Variants in SLIT3 observed in about 807,000 individuals in gnomAD.
SLIT3 encodes the protein slit homolog 3 protein.
Under a neutral mutation model 184.0 loss-of-function variants are expected in SLIT3, and 68 were observed. The observed-to-expected ratio is 0.37, with a 90% CI of 0.30 to 0.45. The LOEUF is 0.45. Ranked by LOEUF, SLIT3 falls within the 20% of genes least tolerant of loss-of-function variation. The pLI is 1.00. For missense variants in SLIT3, 1,707 were observed against 2,026.0 expected (o/e 0.84, Z 3.02); for synonymous variants, 831 against 828.6 (o/e 1.00, Z -0.05).
At chr5:168,967,691 C>A (rs1225080377) in intron 4 of SLIT3, among the ~76,000 whole-genome samples, 1 of 151,506 alleles carries the variant, frequency 6.6e-6, no homozygotes, top group African/African-American at 2.4e-5. Flanking sequence ...CCGCCCGCCT[C>A]GGCCTCCCAA....
At chr5:169,122,666 C>A (rs1315545550) in intron 4 of SLIT3, among the ~76,000 whole-genome samples, 1 of 152,168 alleles carries the variant, frequency 6.6e-6, no homozygotes, top group Non-Finnish European at 1.5e-5. Flanking sequence ...TTTTAGGTTA[C>A]CGGTAACACC....
intron 4 of SLIT3, among the ~76,000 whole-genome samples, chr5:168,918,497 G>A (rs1300222451): frequency 6.6e-6 from 1 of 152,214 alleles, no homozygotes; most frequent in Non-Finnish European, 1.5e-5. Flanking sequence ...GCTGCACTAA[G>A]GTGAGGGTTT....
chr5:168,954,444 G>A (rs1042032738), intron 4 of SLIT3, among the ~76,000 whole-genome samples: 3 of 152,094 alleles, frequency 2.0e-5, no homozygotes, highest in African/African-American at 2.4e-5. Flanking sequence ...AGGACTCTCC[G>A]AGAGTAAAGG....
intron 4 of SLIT3, among the ~76,000 whole-genome samples, chr5:169,178,775 A>G (rs1194477564): frequency 6.6e-6 from 1 of 152,132 alleles, no homozygotes; most frequent in Non-Finnish European, 1.5e-5. Flanking sequence ...TTTAATGAAT[A>G]TATCCTCACT....
rs1178482928 is a variant in SLIT3 at position 168,663,918 on chromosome 5, T to G, written c.*2536A>C. 6 of 152,218 alleles carry G rather than the reference T, an allele frequency of 3.9e-5. No individual in the cohort carries two copies. 9.4% of individuals were successfully genotyped at this position (152,218 alleles called of 1,614,324 possible). ...TTATGACTGTTTTTGTCACAGGCTG[T>G]AGGATCCTCAAAGGCAGGATGTGTT... On this transcript the variant is annotated 3_prime_UTR_variant, in exon 36 of 36. Coordinates refer to ENST00000519560, the MANE Select transcript of SLIT3 (RefSeq NM_003062.4).
intron 4 of SLIT3, among the ~76,000 whole-genome samples, chr5:169,111,055 C>A (rs1282444149): frequency 6.6e-6 from 1 of 152,218 alleles, no homozygotes; most frequent in Non-Finnish European, 1.5e-5. Flanking sequence ...ACTGCCCGTG[C>A]ATCCTTCCTC....
chr5:169,140,757 G>A (rs905069990), intron 4 of SLIT3, among the ~76,000 whole-genome samples: 1 of 152,254 alleles, frequency 6.6e-6, no homozygotes, highest in South Asian at 2.1e-4. Context: ...CCATGATCAC[G>A]CCGTCGCATT....
At chr5:169,066,564 A>C (rs73314009) in intron 4 of SLIT3, among the ~76,000 whole-genome samples, 149 of 152,380 alleles carry the variant, frequency 9.8e-4, no homozygotes, top group African/African-American at 3.1e-3. Context: ...CATATGAAGA[A>C]GTAATCAATC....
chr5:168,684,227 C>G, intron 31 of SLIT3, 131 bp from the exon 32 acceptor site: 1 of 945,286 alleles, frequency 1.1e-6, no homozygotes, highest in Non-Finnish European at 1.5e-6. Context: ...GTCCATCTTT[C>G]CTCCTCCATC....
In SLIT3 at chr5:168,806,570, G is replaced by A. The variant is rs760188719; in HGVS notation, c.811C>T (p.Pro271Ser). ...GAGATGGAGTTGGCATTGCAGGATG[G>A]GGGCTCCGAGTGGGGGGCTGTGGAG... ...YVCPAPHSEP[P>S]SCNANSISCP... The change falls in exon 9 of 36, where the codon CCA (proline) becomes TCA (serine). Residue 271 changes from proline (P) to serine (S), a missense_variant. Around this residue, in one of 3 missense-constraint regions of SLIT3, gnomAD observed 1,307 missense variants for 1,511.6 expected, o/e 0.86. Transcript: ENST00000519560. The A allele has an allele frequency of 5.6e-6, 9 of 1,614,166 alleles. No homozygotes were observed.
chr5:169,122,516 C>A (rs1760920042), intron 4 of SLIT3, among the ~76,000 whole-genome samples: 2 of 152,078 alleles, frequency 1.3e-5, no homozygotes, highest in South Asian at 4.2e-4. Flanking sequence ...TTTTGTTTAC[C>A]AGGTGTTTCT....
intron 9 of SLIT3, among the ~76,000 whole-genome samples, chr5:168,805,731 C>A (rs1756931522): frequency 6.6e-6 from 1 of 152,164 alleles, no homozygotes; most frequent in African/African-American, 2.4e-5. Flanking sequence ...GGACAAAAAT[C>A]AGATCTGAGA....
At chr5:169,184,316 G>A (rs1763263305) in intron 4 of SLIT3, among the ~76,000 whole-genome samples, 1 of 152,228 alleles carries the variant, frequency 6.6e-6, no homozygotes, top group Non-Finnish European at 1.5e-5. Context: ...AAAACTCACA[G>A]GAGTAAGAGG....
At chr5:168,832,308 C>G (rs1442125931) in intron 6 of SLIT3, among the ~76,000 whole-genome samples, 2 of 152,204 alleles carry the variant, frequency 1.3e-5, no homozygotes, top group African/African-American at 4.8e-5. Flanking sequence ...CAATTTCCAC[C>G]TCAGCTGCAT....
chr5:169,172,687 T>C (rs986805091), intron 4 of SLIT3, among the ~76,000 whole-genome samples: 2 of 152,214 alleles, frequency 1.3e-5, no homozygotes, highest in African/African-American at 2.4e-5. Context: ...ATGAATTCCA[T>C]AAAATTGACA....
At chr5:169,107,398 A>T (rs11741687) in intron 4 of SLIT3, among the ~76,000 whole-genome samples, 1 of 152,116 alleles carries the variant, frequency 6.6e-6, no homozygotes, top group African/African-American at 2.4e-5. Context: ...AGCTCCCTGG[A>T]GCTAAGAGCT....
chr5:168,922,268 G>A (rs574472025), intron 4 of SLIT3, among the ~76,000 whole-genome samples: 66 of 151,892 alleles, frequency 4.3e-4, no homozygotes, highest in African/African-American at 1.5e-3. Context: ...CCATCCTGGC[G>A]AACATGGTGA....
chr5:168,927,563 G>C (rs1054762821), intron 4 of SLIT3, among the ~76,000 whole-genome samples: 1 of 152,148 alleles, frequency 6.6e-6, no homozygotes. Flanking sequence ...CAAGGTACCT[G>C]GTGTGGCATT....
At chr5:168,992,037 C>T (rs1325184590) in intron 4 of SLIT3, among the ~76,000 whole-genome samples, 1 of 152,254 alleles carries the variant, frequency 6.6e-6, no homozygotes, top group Non-Finnish European at 1.5e-5. Context: ...GTGGGACCTG[C>T]CTCAGGCAAA....
Sources: gnomAD v4.1 joint callset for allele counts (sites outside exome capture counted in the v4.1 genomes callset) on GRCh38, gnomAD v4.1.1 for gene constraint, gnomAD v4.1.1 regional missense constraint, MANE v1.5 for transcripts, NCBI Gene and HGNC (gene_info 2026-07-23, HGNC 2026-07-21) for gene names.